The following HDAC9 variants were observed in gnomAD, a reference collection of about 807,000 sequenced individuals.
HDAC9 encodes the protein MEF-2 interacting transcription repressor (MITR) protein.
HDAC9 carries 41 observed loss-of-function variants against 139.4 expected under a neutral mutation model. The ratio of observed to expected loss-of-function variants is 0.29; its 90% CI spans 0.23 to 0.38. The LOEUF (loss-of-function observed/expected upper bound fraction) is 0.38, where lower values mean the gene tolerates loss of function less well. Ranked by LOEUF, HDAC9 falls within the 10% of genes least tolerant of loss-of-function variation. HDAC9 has a pLI of 1.00. For missense variants in HDAC9, 1,147 were observed against 1,297.0 expected, an observed-to-expected ratio of 0.88 and a Z score of 1.78; for synonymous variants, 517 against 476.2, an observed-to-expected ratio of 1.09 and a Z score of -1.12.
chr7:18,692,960 A>G (rs751154423), intron 12 of HDAC9, among the ~76,000 whole-genome samples: 113 of 152,092 alleles, frequency 7.4e-4, no homozygotes, highest in Non-Finnish European at 1.2e-3. Flanking sequence ...GTTGTTATGT[A>G]TACTATACTG....
intron 1 of HDAC9, among the ~76,000 whole-genome samples, chr7:18,342,149 G>C (rs1037743799): frequency 1.3e-5 from 2 of 151,740 alleles, no homozygotes; most frequent in Non-Finnish European, 2.9e-5. Flanking sequence ...TTTTTCAAGG[G>C]AAGAACTTCT....
intron 1 of HDAC9, among the ~76,000 whole-genome samples, chr7:18,127,740 T>G (rs1343441975): frequency 6.6e-6 from 1 of 152,108 alleles, no homozygotes; most frequent in African/African-American, 2.4e-5. Flanking sequence ...AAAGAAGAGC[T>G]TAAGACCATT....
intron 1 of HDAC9, among the ~76,000 whole-genome samples, chr7:18,419,745 C>G (rs1789444948): frequency 6.6e-6 from 1 of 152,000 alleles, no homozygotes; most frequent in African/African-American, 2.4e-5. Flanking sequence ...TTTAATAAAT[C>G]TTTTCTTTTG....
At chr7:18,959,544 GA>G (rs1783386103) in intron 24 of HDAC9, among the ~76,000 whole-genome samples, 1 of 152,104 alleles carries the variant, frequency 6.6e-6, no homozygotes, top group Non-Finnish European at 1.5e-5. Context: ...CTGATAAGTT[GA>G]AAAACACCAG....
chr7:18,439,094 T>C (rs1047207724), intron 1 of HDAC9, among the ~76,000 whole-genome samples: 9 of 152,206 alleles, frequency 5.9e-5, no homozygotes, highest in African/African-American at 2.2e-4. Context: ...GCAGTTAATT[T>C]ATCTTACATT....
chr7:18,159,755 C>G (rs1460993941), intron 1 of HDAC9, among the ~76,000 whole-genome samples: 1 of 151,996 alleles, frequency 6.6e-6, no homozygotes, highest in Non-Finnish European at 1.5e-5. Context: ...TAAATGGAAA[C>G]TAGTGTATAT....
At chr7:18,131,009 T>A (rs1169038136) in intron 1 of HDAC9, among the ~76,000 whole-genome samples, 1 of 152,120 alleles carries the variant, frequency 6.6e-6, no homozygotes, top group African/African-American at 2.4e-5. Flanking sequence ...AATCGAGTGT[T>A]TAGAAATCTT....
intron 12 of HDAC9, among the ~76,000 whole-genome samples, chr7:18,683,911 C>T (rs1371818456): frequency 6.6e-6 from 1 of 151,972 alleles, no homozygotes; most frequent in Non-Finnish European, 1.5e-5. Flanking sequence ...GAATACTTAA[C>T]TCATGAAGAC....
chr7:18,304,209 C>T (rs759103516), intron 1 of HDAC9, among the ~76,000 whole-genome samples: 1 of 152,178 alleles, frequency 6.6e-6, no homozygotes, highest in Non-Finnish European at 1.5e-5. Flanking sequence ...TAAGTGCCTT[C>T]TATACACTGT....
intron 11 of HDAC9, among the ~76,000 whole-genome samples, chr7:18,664,875 A>T (rs1279211499): frequency 6.6e-6 from 1 of 152,186 alleles, no homozygotes; most frequent in Non-Finnish European, 1.5e-5. Flanking sequence ...ATGAGGGCAG[A>T]GCAGTGGCTA....
At chr7:18,248,299 A>G (rs150766855) in intron 2 of HDAC9, among the ~76,000 whole-genome samples, 4 of 152,346 alleles carry the variant, frequency 2.6e-5, no homozygotes, top group Admixed American at 1.3e-4. Flanking sequence ...AACATTTCTT[A>G]TATGCTCAAT....
chr7:18,170,406 T>C (rs1250937556), intron 2 of HDAC9, among the ~76,000 whole-genome samples: 2 of 152,240 alleles, frequency 1.3e-5, no homozygotes, highest in Non-Finnish European at 2.9e-5. Flanking sequence ...CTGTTCACTC[T>C]GATAATAGTT....
At chr7:18,208,151 G>C (rs1216188852) in intron 2 of HDAC9, among the ~76,000 whole-genome samples, 1 of 152,122 alleles carries the variant, frequency 6.6e-6, no homozygotes, top group Non-Finnish European at 1.5e-5. Context: ...TAGCTTACCT[G>C]TGGGTGATTT....
At chr7:18,423,199 G>T (rs1789805225) in intron 1 of HDAC9, among the ~76,000 whole-genome samples, 1 of 152,146 alleles carries the variant, frequency 6.6e-6, no homozygotes, top group Non-Finnish European at 1.5e-5. Flanking sequence ...TTATTTTTAT[G>T]AATGTTTAAA....
intron 22 of HDAC9, among the ~76,000 whole-genome samples, chr7:18,913,058 A>G (rs1419995161): frequency 6.6e-6 from 1 of 152,012 alleles, no homozygotes; most frequent in Non-Finnish European, 1.5e-5. Context: ...CTGCTTAAAA[A>G]CTTTCTATTT....
intron 25 of HDAC9, among the ~76,000 whole-genome samples, chr7:18,988,276 T>C (rs888181551): frequency 6.6e-6 from 1 of 152,194 alleles, no homozygotes; most frequent in Non-Finnish European, 1.5e-5. Context: ...TTGTTCTCGT[T>C]GGTTTCAAAG....
At chr7:18,791,197 A>G (rs142533935) in intron 16 of HDAC9, among the ~76,000 whole-genome samples, 1,726 of 152,328 alleles carry the variant, frequency 0.011, 25 homozygotes, top group African/African-American at 0.037. Context: ...TAAGAAATAA[A>G]GAAAGAAACA....
At chr7:18,742,062 A>C (rs543320845) in intron 13 of HDAC9, among the ~76,000 whole-genome samples, 1 of 152,292 alleles carries the variant, frequency 6.6e-6, no homozygotes, top group East Asian at 1.9e-4. Context: ...GCATTGTTGA[A>C]ATGACGAGAA....
At chr7:18,796,335 A>T (rs995446744) in intron 17 of HDAC9, among the ~76,000 whole-genome samples, 10 of 152,196 alleles carry the variant, frequency 6.6e-5, no homozygotes, top group Non-Finnish European at 1.5e-4. Flanking sequence ...ACCATGGCTA[A>T]CCTCCTAACT....
Sources: allele counts gnomAD v4.1 joint callset (sites outside exome capture counted in the v4.1 genomes callset), GRCh38; gene constraint gnomAD v4.1.1; transcripts MANE v1.5; gene names NCBI Gene and HGNC (gene_info 2026-07-23, HGNC 2026-07-21).